The following PSMA5 variants were observed in gnomAD, a reference collection of about 807,000 sequenced individuals.
PSMA5 encodes the protein proteasome subunit alpha type-5.
Under a neutral mutation model 34.5 loss-of-function variants are expected in PSMA5, and 3 were observed. That is an observed-to-expected ratio of 0.09 (90% CI 0.04 to 0.22). The LOEUF (loss-of-function observed/expected upper bound fraction) is 0.22, where lower values mean the gene tolerates loss of function less well. Ranked by LOEUF, PSMA5 falls within the 10% of genes least tolerant of loss-of-function variation. The pLI, the probability that PSMA5 is intolerant of heterozygous loss-of-function variation, is 1.00. For synonymous variants in PSMA5, 88 were observed against 95.8 expected (o/e 0.92, Z 0.47); for missense variants, 120 against 286.1 (o/e 0.42, Z 4.19).
rs1653543129 is a variant in PSMA5, at chr1:109,401,830, G to T, written c.*183C>A. 1.4e-5 allele frequency: 5 copies of T among 370,318 alleles called. No homozygotes were observed. In the East Asian group the frequency reaches 1.8e-4, roughly 14 times the overall value. The allele number at this position is 370,318 out of a possible 1,614,324, so 22.9% of individuals were successfully genotyped here. On this transcript the variant is annotated 3_prime_UTR_variant, in exon 9 of 9. Transcript: ENST00000271308. ...AAAAAAAAAAAAAAGACTATTAGAA[G>T]AGAACAGTCTATTAACAAATATTTT...
intron 4 of PSMA5, chr1:109,412,851 T>C: frequency 2.2e-6 from 1 of 444,920 alleles, no homozygotes; most frequent in East Asian, 3.6e-5. Context: ...AGGAAGACAC[T>C]GTCAGCACTA....
In PSMA5 at chr1:109,426,324, G is replaced by C. The variant is rs948557765; in HGVS notation, c.7C>G (p.Leu3Val). 1 of 1,613,600 alleles carries C rather than the reference G, an allele frequency of 6.2e-7. No individual in the cohort carries two copies. The highest frequency in any genetic ancestry group is 8.5e-7 in the Non-Finnish European group (1 of 1,179,786). Residue 3 changes from leucine (L) to valine (V), a missense_variant, in exon 1 of 9, where the codon CTT becomes GTT. Transcript: ENST00000271308. ...GACCTGTCGTACTCAGACCGGGTAA[G>C]AAACATGGCGAGGGTAGGAGGAGGC... MF[L>V]TRSEYDRGVN...
Position 109,401,492 on chromosome 1 carries a change from A to G in PSMA5, c.*521T>C, listed in dbSNP as rs1653518884. 6.6e-6 allele frequency: 1 copy of G among 152,234 alleles called. No homozygotes were observed. The highest frequency in any genetic ancestry group is 6.5e-5 in the Admixed American group (1 of 15,288). The allele number at this position is 152,234 out of a possible 1,614,324, so 9.4% of individuals were successfully genotyped here. A position where few individuals can be genotyped will look rare whatever the true frequency, so the allele number is the denominator to read the frequency against. ...TGGATTTACAGTGCTGTTAACATCT[A>G]TTAACCACTGGGAAGAGCTGGACTA... On this transcript the variant is annotated 3_prime_UTR_variant, in exon 9 of 9. Coordinates refer to ENST00000271308, the MANE Select transcript of PSMA5 (RefSeq NM_002790.4).
At chr1:109,412,831 C>CA (rs538120172) in intron 4 of PSMA5, 3,957 of 356,854 alleles carry the variant, frequency 0.011, no homozygotes, top group Middle Eastern at 0.021. Context: ...TAGGCAAAGC[C>CA]AAAAAAAAAA....
At chr1:109,424,884 G>A (rs901728400) in intron 1 of PSMA5, among the ~76,000 whole-genome samples, 1 of 152,214 alleles carries the variant, frequency 6.6e-6, no homozygotes, top group Non-Finnish European at 1.5e-5. Flanking sequence ...CTACTCGGGA[G>A]GCTGAGGCAG....
chr1:109,409,345 C>T (rs1337334561), intron 8 of PSMA5, among the ~76,000 whole-genome samples: 1 of 151,884 alleles, frequency 6.6e-6, no homozygotes, highest in African/African-American at 2.4e-5. Context: ...TTGGTAGAGT[C>T]GGGGTTTTGC....
At position 109,411,132 on chromosome 1, in the gene PSMA5, GA is replaced by G. The variant is rs759770802; in HGVS notation, c.459-20del. The G allele has an allele frequency of 6.3e-7, 1 of 1,587,116 alleles. No individual in the cohort carries two copies. Among genetic ancestry groups the G allele is most frequent in the South Asian group, 1.1e-5 (1 of 89,240 alleles). On this transcript the variant is annotated intron_variant, in intron 6 of 8. Coordinates refer to ENST00000271308, the MANE Select transcript of PSMA5 (RefSeq NM_002790.4). ...ATGAAACCTGCAAAACCCCCAAAAT[GA>G]GGACTAAAATGCTCAGGAGTGGTGG... is the stretch of plus-strand genomic sequence containing the variant.
intron 3 of PSMA5, chr1:109,415,015 A>C: frequency 2.3e-6 from 1 of 442,312 alleles, no homozygotes; most frequent in Non-Finnish European, 4.0e-6. Context: ...CACATTTACC[A>C]AGTCTAAATT....
At chr1:109,425,545 A>T (rs1047035668) in intron 1 of PSMA5, 1 of 152,160 alleles carries the variant, frequency 6.6e-6, no homozygotes. Context: ...ATCTCATACC[A>T]CTCAGTACAA....
chr1:109,407,934 G>A (rs561456068), intron 8 of PSMA5, among the ~76,000 whole-genome samples: 2 of 152,014 alleles, frequency 1.3e-5, no homozygotes, highest in East Asian at 1.9e-4. Context: ...CCTCAACTAC[G>A]ATTTTAATAT....
Position 109,410,064 on chromosome 1 carries a change from C to T in PSMA5, c.562-50G>A, listed in dbSNP as rs182687877. ...TGCCTATTAATTATGCACAATCCGTCCTTCCTTCAAAGATTTTCCCTTTAT... is the reference window on the plus strand; with the variant it reads ...TGCCTATTAATTATGCACAATCCGTTCTTCCTTCAAAGATTTTCCCTTTAT... On this transcript the variant is annotated intron_variant, in intron 7 of 8. Transcript: ENST00000271308. The T allele has an allele frequency of 5.4e-4, 657 of 1,214,678 alleles. 1 individual carries two copies. Among genetic ancestry groups the T allele is most frequent in the Middle Eastern group, 1.2e-3 (6 of 5,178 alleles). The allele number at this position is 1,214,678 out of a possible 1,614,324, so 75.2% of individuals were successfully genotyped here.
rs775641035 is a variant in PSMA5, at chr1:109,426,348, G to A, written c.-18C>T. On this transcript the variant is annotated 5_prime_UTR_variant, in exon 1 of 9. Coordinates refer to ENST00000271308, the MANE Select transcript of PSMA5 (RefSeq NM_002790.4). ...AGAAACATGGCGAGGGTAGGAGGAGGCAGCGGCTACGCGGGGATTCTGAGG... is the reference window on the plus strand; with the variant it reads ...AGAAACATGGCGAGGGTAGGAGGAGACAGCGGCTACGCGGGGATTCTGAGG... The A allele has an allele frequency of 6.2e-7, 1 of 1,614,134 alleles. No individual in the cohort carries two copies. The highest frequency in any genetic ancestry group is 1.7e-5 in the Admixed American group (1 of 60,024).
At chr1:109,414,871 A>C (rs1284563100) in intron 3 of PSMA5, 1 of 168,936 alleles carries the variant, frequency 5.9e-6, no homozygotes, top group African/African-American at 2.4e-5. Flanking sequence ...AGACCAAAAA[A>C]GTGGGCAGAG....
At chr1:109,417,615 T>C (rs557552455) in intron 2 of PSMA5, among the ~76,000 whole-genome samples, 212 of 152,310 alleles carry the variant, frequency 1.4e-3, no homozygotes, top group African/African-American at 5.0e-3. Flanking sequence ...GCAGGAATAA[T>C]GTACTGAAAA....
At chr1:109,412,244 T>C in intron 4 of PSMA5, 60 bp from the exon 5 acceptor site, 1 of 1,363,290 alleles carries the variant, frequency 7.3e-7, no homozygotes, top group Non-Finnish European at 1.0e-6. Flanking sequence ...CAGCCCACCA[T>C]CTCACTACGC....
chr1:109,408,353 T>C (rs1211630569), intron 8 of PSMA5, among the ~76,000 whole-genome samples: 1 of 152,178 alleles, frequency 6.6e-6, no homozygotes, highest in Non-Finnish European at 1.5e-5. Flanking sequence ...ACCTTTCTGC[T>C]CCCTTTTCCA....
At chr1:109,405,188 C>G (rs1487454730) in intron 8 of PSMA5, among the ~76,000 whole-genome samples, 1 of 152,184 alleles carries the variant, frequency 6.6e-6, no homozygotes, top group Non-Finnish European at 1.5e-5. Flanking sequence ...GACCTAAGAC[C>G]AGACCTGGAT....
rs2100946971 is a variant in PSMA5 at position 109,400,533 on chromosome 1, A to G, written c.*1480T>C. 1 of 152,312 alleles carries G rather than the reference A, an allele frequency of 6.6e-6. No homozygotes were observed. Among genetic ancestry groups the G allele is most frequent in the Non-Finnish European group, 1.5e-5 (1 of 68,028 alleles). 9.4% of individuals were successfully genotyped at this position (152,312 alleles called of 1,614,324 possible). Reference sequence around the variant, plus strand: ...AACAAAGTGATCTTTAGAGAAACAAATCTCCCCATCAACATGCTATACTTA... The same window carrying G: ...AACAAAGTGATCTTTAGAGAAACAAGTCTCCCCATCAACATGCTATACTTA... On this transcript the variant is annotated 3_prime_UTR_variant, in exon 9 of 9. Coordinates refer to ENST00000271308, the MANE Select transcript of PSMA5 (RefSeq NM_002790.4).
intron 1 of PSMA5, among the ~76,000 whole-genome samples, chr1:109,425,119 T>C (rs913822618): frequency 2.0e-5 from 3 of 152,174 alleles, no homozygotes; most frequent in African/African-American, 7.2e-5. Context: ...ATTTTGTCCA[T>C]TGCTGTAGCA....
Sources: gnomAD v4.1 joint callset for allele counts (sites outside exome capture counted in the v4.1 genomes callset) on GRCh38, gnomAD v4.1.1 for gene constraint, MANE v1.5 for transcripts, NCBI Gene and HGNC (gene_info 2026-07-23, HGNC 2026-07-21) for gene names.